Variants in PDE4D observed in about 807,000 individuals in gnomAD.
PDE4D encodes 3',5'-cyclic-AMP phosphodiesterase 4D.
Under a neutral mutation model 87.4 loss-of-function variants are expected in PDE4D, and 24 were observed. The observed-to-expected ratio is 0.27, with a 90% CI of 0.20 to 0.39. The LOEUF (loss-of-function observed/expected upper bound fraction) is 0.39. PDE4D is among the 10% of genes least tolerant of loss of function. The pLI, the probability that PDE4D is intolerant of heterozygous loss-of-function variation, is 1.00. For synonymous variants in PDE4D, 384 were observed against 383.2 expected, an observed-to-expected ratio of 1.00 and a Z score of -0.02; for missense variants, 714 against 1,041.0, an observed-to-expected ratio of 0.69 and a Z score of 4.32.
At chr5:59,862,440 T>C (rs1746420753) in intron 1 of PDE4D, among the ~76,000 whole-genome samples, 1 of 152,204 alleles carries the variant, frequency 6.6e-6, no homozygotes, top group Non-Finnish European at 1.5e-5. Flanking sequence ...TCATGTATTG[T>C]GTGGGTGTGC....
At chr5:60,438,447 C>G (rs1377064188) in intron 1 of PDE4D, among the ~76,000 whole-genome samples, 8 of 151,930 alleles carry the variant, frequency 5.3e-5, no homozygotes, top group African/African-American at 1.9e-4. Context: ...TGTATGCTTC[C>G]CCCTTTAAAA....
intron 6 of PDE4D, among the ~76,000 whole-genome samples, chr5:59,015,308 A>G (rs1479585200): frequency 2.0e-5 from 3 of 152,014 alleles, no homozygotes; most frequent in African/African-American, 7.2e-5. Flanking sequence ...CTGCACAGCA[A>G]AAGAAACTAC....
intron 11 of PDE4D, among the ~76,000 whole-genome samples, chr5:58,988,177 T>A (rs1211549012): frequency 2.6e-5 from 4 of 152,180 alleles, no homozygotes; most frequent in Admixed American, 6.5e-5. Context: ...ACTTTTTTTT[T>A]AATTTAAAAC....
chr5:59,759,040 T>C (rs1761640257), intron 1 of PDE4D, among the ~76,000 whole-genome samples: 1 of 152,076 alleles, frequency 6.6e-6, no homozygotes. Flanking sequence ...AAAAACATGA[T>C]TTTTTAAAAA....
In PDE4D at chr5:60,143,975, T is replaced by G. The variant is rs1373083133; in HGVS notation, c.42+41582A>C. Reference sequence around the variant, plus strand: ...CTTCTGAAACACTTTGCTTATTCTTTTCGCTTGATTCAGCAGCAACTTCTG... The same window carrying G: ...CTTCTGAAACACTTTGCTTATTCTTGTCGCTTGATTCAGCAGCAACTTCTG... On this transcript the variant is annotated intron_variant, in intron 2 of 16. Coordinates refer to the PDE4D transcript ENST00000502484. 2.6e-5 allele frequency among the ~76,000 whole-genome samples: 4 copies of G among 152,250 alleles called. No homozygotes were observed. The East Asian group carries it at 7.7e-4, about 29-fold the overall frequency.
chr5:59,086,611 A>C (rs1439785049), intron 5 of PDE4D, among the ~76,000 whole-genome samples: 1 of 152,136 alleles, frequency 6.6e-6, no homozygotes, highest in Non-Finnish European at 1.5e-5. Flanking sequence ...TTGCTCTTCC[A>C]CATTCCATAA....
exon 3 of PDE4D, chr5:59,988,626 T>A: frequency 6.3e-7 from 1 of 1,599,338 alleles, no homozygotes; most frequent in Non-Finnish European, 8.5e-7. Context: ...AAGCTGAATA[T>A]TGCGACATGA....
chr5:60,473,030 AAGAC>A lies in PDE4D; in HGVS notation c.-90+14908_-90+14911del, dbSNP rs967923094. Among the ~76,000 whole-genome samples the A allele has an allele frequency of 2.8e-4, 42 of 151,748 alleles. 1 individual carries two copies. Among genetic ancestry groups the A allele is most frequent in the African/African-American group, 8.5e-4 (35 of 41,344 alleles). On this transcript the variant is annotated intron_variant, in intron 1 of 16. Coordinates refer to the PDE4D transcript ENST00000502484. ...TCATAAGCTGAGGAGCATCTGAAGA[AAGAC>A]AGACAGACAGAAGGAAGGAAGGAAG...
chr5:59,190,290 G>A (rs1744022872), intron 3 of PDE4D, among the ~76,000 whole-genome samples: 3 of 152,120 alleles, frequency 2.0e-5, no homozygotes, highest in Admixed American at 1.3e-4. Context: ...AATGTCAGTA[G>A]CAGTTATTTT....
Position 60,157,679 on chromosome 5 carries a change from G to A in PDE4D, c.42+27878C>T, listed in dbSNP as rs16890543. ...AACATTAACAGTATTTGGATCTAAC[G>A]AAAACTAACTTCTTAAACTTCCTAG... is the stretch of plus-strand genomic sequence containing the variant. On this transcript the variant is annotated intron_variant, in intron 2 of 16. Coordinates refer to the PDE4D transcript ENST00000502484. 5.3e-3 allele frequency among the ~76,000 whole-genome samples: 810 copies of A among 152,144 alleles called. 11 individuals carry two copies. Among genetic ancestry groups the A allele is most frequent in the African/African-American group, 0.019 (775 of 41,522 alleles).
At chr5:59,795,905 A>G (rs984764766) in intron 1 of PDE4D, among the ~76,000 whole-genome samples, 2 of 152,214 alleles carry the variant, frequency 1.3e-5, no homozygotes, top group Non-Finnish European at 2.9e-5. Flanking sequence ...GGAAATGCAG[A>G]CACACACATA....
intron 2 of PDE4D, among the ~76,000 whole-genome samples, chr5:59,214,441 C>T (rs550872319): frequency 2.5e-4 from 38 of 152,164 alleles, no homozygotes; most frequent in African/African-American, 9.2e-4. Context: ...TCCCTTAGCC[C>T]GGTATTTTCT....
chr5:60,356,664 T>C (rs1401530873), intron 1 of PDE4D, among the ~76,000 whole-genome samples: 1 of 152,220 alleles, frequency 6.6e-6, no homozygotes, highest in Admixed American at 6.5e-5. Context: ...AAAAAGTTAT[T>C]TTCTCATCAT....
chr5:59,040,429 C>G (rs1352529694), intron 5 of PDE4D, among the ~76,000 whole-genome samples: 2 of 152,160 alleles, frequency 1.3e-5, no homozygotes, highest in African/African-American at 4.8e-5. Flanking sequence ...TACTCCTTTC[C>G]CCTGTGAATT....
At chr5:60,121,976 G>A (rs566834175) in intron 2 of PDE4D, among the ~76,000 whole-genome samples, 8 of 152,076 alleles carry the variant, frequency 5.3e-5, no homozygotes, top group African/African-American at 1.4e-4. Context: ...TGGCCAAAAC[G>A]AAGTGGTTAC....
At chr5:60,150,232 G>C (rs1781388844) in intron 2 of PDE4D, among the ~76,000 whole-genome samples, 1 of 151,826 alleles carries the variant, frequency 6.6e-6, no homozygotes, top group South Asian at 2.1e-4. Flanking sequence ...AAGTAAAATA[G>C]TAAGAGATCA....
intron 3 of PDE4D, among the ~76,000 whole-genome samples, chr5:59,914,866 G>GGTGA (rs1554112456): frequency 8.2e-6 from 1 of 122,542 alleles, no homozygotes; most frequent in Non-Finnish European, 1.7e-5. Flanking sequence ...TACTGATAGG[G>GGTGA]GTGTGTGTGT....
At chr5:59,314,998 G>A (rs567452832) in intron 1 of PDE4D, among the ~76,000 whole-genome samples, 2 of 152,128 alleles carry the variant, frequency 1.3e-5, no homozygotes, top group Admixed American at 6.6e-5. Flanking sequence ...TGCCTTGTTG[G>A]GGGGAAAGAG....
At chr5:59,628,878 C>T (rs530181649) in intron 1 of PDE4D, among the ~76,000 whole-genome samples, 1 of 152,258 alleles carries the variant, frequency 6.6e-6, no homozygotes, top group South Asian at 2.1e-4. Context: ...GTTTAATTGA[C>T]TCACAGTTCA....
Sources: allele counts gnomAD v4.1 joint callset (sites outside exome capture counted in the v4.1 genomes callset), GRCh38; gene constraint gnomAD v4.1.1; transcripts MANE v1.5; gene names NCBI Gene and HGNC (gene_info 2026-07-23, HGNC 2026-07-21).